HDX: variants seen among roughly 807,000 people sequenced by gnomAD.
HDX encodes highly divergent homeobox.
In HDX, 19 loss-of-function variants were observed where a neutral mutation model predicts 45.2. That is an observed-to-expected ratio of 0.42 (90% CI 0.29 to 0.62). HDX has a LOEUF of 0.62. Ranked by LOEUF, HDX falls within the 20% of genes least tolerant of loss-of-function variation. HDX has a pLI of 0.20. For missense variants in HDX, 532 were observed against 493.9 expected (o/e 1.08, Z -0.73); for synonymous variants, 188 against 172.8 (o/e 1.09, Z -0.69).
intron 3 of HDX, among the ~76,000 whole-genome samples, chrX:84,472,924 G>T (rs1036629533): frequency 9.2e-6 from 1 of 109,062 alleles, no homozygotes; most frequent in Non-Finnish European, 1.9e-5. Flanking sequence ...AAGCTTATAA[G>T]ATGTAAATGA....
At chrX:84,401,467 C>A (rs1386977207) in intron 5 of HDX, among the ~76,000 whole-genome samples, 1 of 112,189 alleles carries the variant, frequency 8.9e-6, no homozygotes, top group African/African-American at 3.2e-5. Flanking sequence ...AGCTCAGCAT[C>A]ACTGATCATT....
intron 1 of HDX, among the ~76,000 whole-genome samples, chrX:84,491,687 G>A (rs1950415672): frequency 9.0e-6 from 1 of 111,449 alleles, no homozygotes; most frequent in African/African-American, 3.3e-5. Context: ...TAAGTTACTA[G>A]GAATTGGTTT....
intron 5 of HDX, among the ~76,000 whole-genome samples, chrX:84,366,829 A>C (rs1051718199): frequency 4.5e-5 from 5 of 111,963 alleles, no homozygotes; most frequent in Non-Finnish European, 7.5e-5. Context: ...CCTTCCTTAC[A>C]CCTTATACAG....
chrX:84,360,040 GGTCTAATATACACA>G (rs1288066505), intron 6 of HDX, among the ~76,000 whole-genome samples: 1 of 111,447 alleles, frequency 9.0e-6, no homozygotes, highest in Non-Finnish European at 1.9e-5. Flanking sequence ...ATCTGACTAA[GGTCTAATATACACA>G]GTCTACGAGG....
At chrX:84,356,670 T>G (rs1165880031) in intron 6 of HDX, among the ~76,000 whole-genome samples, 3 of 89,206 alleles carry the variant, frequency 3.4e-5, no homozygotes, top group Non-Finnish European at 6.3e-5. Flanking sequence ...TCGCCCAGGC[T>G]GGAGTGCAGT....
chrX:84,338,267 G>C (rs2037009471), intron 7 of HDX, among the ~76,000 whole-genome samples: 1 of 110,419 alleles, frequency 9.1e-6, no homozygotes, highest in Non-Finnish European at 1.9e-5. Flanking sequence ...CCAGAATTTT[G>C]ATGCAAAGTC....
chrX:84,420,458 G>A (rs2039227458), intron 5 of HDX, among the ~76,000 whole-genome samples: 1 of 110,464 alleles, frequency 9.1e-6, no homozygotes, highest in Non-Finnish European at 1.9e-5. Context: ...AAGGAAAAAA[G>A]AAAAGAAAAA....
intron 6 of HDX, among the ~76,000 whole-genome samples, chrX:84,355,911 G>A (rs1347188984): frequency 1.8e-5 from 2 of 109,531 alleles, no homozygotes; most frequent in African/African-American, 6.6e-5. Flanking sequence ...AAAAGTTCTG[G>A]CACCTAATAG....
chrX:84,454,088 A>G (rs761424342), intron 4 of HDX, among the ~76,000 whole-genome samples: 7 of 111,895 alleles, frequency 6.3e-5, no homozygotes, highest in African/African-American at 2.3e-4. Flanking sequence ...AGTACTTGCT[A>G]TGGTACTTGG....
chrX:84,411,209 A>T (rs1426871091), intron 5 of HDX, among the ~76,000 whole-genome samples: 2 of 110,323 alleles, frequency 1.8e-5, no homozygotes, highest in Admixed American at 1.9e-4. Context: ...TGGTTTGGGG[A>T]TTTATTTGCT....
Position 84,361,660 on chromosome X carries a change from A to G in HDX, c.1306-48T>C, listed in dbSNP as rs776716735. 7.2e-6 allele frequency: 7 copies of G among 972,714 alleles called. No individual in the cohort carries two copies. In the South Asian group the frequency reaches 1.7e-4, roughly 24 times the overall value. 80.2% of individuals were successfully genotyped at this position (972,714 alleles called of 1,213,427 possible). On this transcript the variant is annotated intron_variant, in intron 5 of 10. Coordinates refer to ENST00000373177, the MANE Select transcript of HDX (RefSeq NM_001177479.2). ...GTTTTGAATTTTAAAGTTTAGAATA[A>G]TCAAAGGAAATAATATTATAAAGAG...
rs1228592287 is a variant in HDX at position 84,467,621 on chromosome X, G to A, written c.1251+851C>T. 8.2e-4 allele frequency among the ~76,000 whole-genome samples: 68 copies of A among 83,399 alleles called. 1 individual carries two copies. The highest frequency in any genetic ancestry group is 3.1e-3 in the African/African-American group (65 of 20,762). 72.4% of individuals were successfully genotyped at this position (83,399 alleles called of 115,157 possible). On this transcript the variant is annotated intron_variant, in intron 4 of 10. Transcript: ENST00000373177. ...AGCCTGGGTGACAGAGCAAGACTCC[G>A]TCAAAAAAAAAAAAAAAAGGAAAAG... is the stretch of plus-strand genomic sequence containing the variant.
chrX:84,442,945 A>G (rs2039793574), intron 4 of HDX, among the ~76,000 whole-genome samples: 1 of 111,884 alleles, frequency 8.9e-6, no homozygotes, highest in African/African-American at 3.2e-5. Flanking sequence ...CACTGACTAT[A>G]CATTTGAGAA....
At chrX:84,354,962 TATATATATATAC>T (rs1430667265) in intron 6 of HDX, among the ~76,000 whole-genome samples, 13 of 74,416 alleles carry the variant, frequency 1.7e-4, no homozygotes, top group African/African-American at 6.2e-4. Flanking sequence ...TATATATATA[TATATATATATAC>T]ACATACATAC....
In HDX at chrX:84,330,485, C is replaced by T. The variant is rs2036821636; in HGVS notation, c.1824+3274G>A. ...TCAGCTTAGTTAAAAACTTTTTTTA[C>T]CTGAACATGCTCCTGTCATAATATA... is the stretch of plus-strand genomic sequence containing the variant. On this transcript the variant is annotated intron_variant, in intron 9 of 10. Transcript: ENST00000373177. Among the ~76,000 whole-genome samples, 3 of 111,551 alleles carry T rather than the reference C, an allele frequency of 2.7e-5. No individual in the cohort carries two copies. In the South Asian group the frequency reaches 1.1e-3, roughly 41 times the overall value.
intron 1 of HDX, chrX:84,500,195 G>A (rs1458374475): frequency 1.8e-5 from 2 of 110,482 alleles, no homozygotes; most frequent in Non-Finnish European, 3.8e-5. Context: ...CTTAAATTCA[G>A]GTTTATTTAG....
At position 84,361,316 on chromosome X, in the gene HDX, T is replaced by A. The variant is rs1041570137; in HGVS notation, c.1452+150A>T. 6 of 402,032 alleles carry A rather than the reference T, an allele frequency of 1.5e-5. No homozygotes were observed. The African/African-American group carries it at 1.5e-4, about 10-fold the overall frequency. The allele number at this position is 402,032 out of a possible 1,213,427, so 33.1% of individuals were successfully genotyped here. On this transcript the variant is annotated intron_variant, in intron 6 of 10. Coordinates refer to ENST00000373177, the MANE Select transcript of HDX (RefSeq NM_001177479.2). The stretch of plus-strand genomic sequence containing the variant: ...TACATCCTTTGATACATATTCCTTA[T>A]CAGATATATGATTTCAAAATATCTC...
chrX:84,461,120 T>C (rs978684934), intron 4 of HDX, among the ~76,000 whole-genome samples: 1 of 111,351 alleles, frequency 9.0e-6, no homozygotes, highest in Non-Finnish European at 1.9e-5. Flanking sequence ...ATAGATTCAA[T>C]TCAATCCCCG....
intron 9 of HDX, among the ~76,000 whole-genome samples, chrX:84,326,511 TA>T (rs1344174018): frequency 1.8e-5 from 2 of 111,201 alleles, no homozygotes; most frequent in African/African-American, 6.5e-5. Flanking sequence ...AAACAATTTA[TA>T]AAGTCAAAAA....
Sources: gnomAD v4.1 joint callset for allele counts (sites outside exome capture counted in the v4.1 genomes callset) on GRCh38, gnomAD v4.1.1 for gene constraint, MANE v1.5 for transcripts, NCBI Gene and HGNC (gene_info 2026-07-23, HGNC 2026-07-21) for gene names.